The following C3orf20 variants were observed in gnomAD, a reference collection of about 807,000 sequenced individuals.
C3orf20 encodes the protein uncharacterized protein C3orf20.
Under a neutral mutation model 88.3 loss-of-function variants are expected in C3orf20, and 76 were observed. The ratio of observed to expected loss-of-function variants is 0.86; its 90% CI spans 0.72 to 1.04. The LOEUF (loss-of-function observed/expected upper bound fraction) is 1.04, where lower values mean the gene tolerates loss of function less well. Ranked by LOEUF, C3orf20 falls within the 50% of genes least tolerant of loss-of-function variation. The pLI is 0.00. For missense variants in C3orf20, 1,056 were observed against 1,123.3 expected (o/e 0.94, Z 0.86); for synonymous variants, 436 against 437.4 (o/e 1.00, Z 0.04).
chr3:14,744,259 G>C (rs2034996203), intron 12 of C3orf20, among the ~76,000 whole-genome samples: 1 of 151,912 alleles, frequency 6.6e-6, no homozygotes, highest in African/African-American at 2.4e-5. Context: ...AATCTCTAGG[G>C]CAGGGGCAAA....
chr3:14,761,351 G>T (rs139998957), intron 14 of C3orf20, 122 bp from the exon 15 acceptor site: 2 of 1,182,900 alleles, frequency 1.7e-6, no homozygotes, highest in Non-Finnish European at 2.4e-6. Flanking sequence ...CCTGCCTCAC[G>T]GCGTAAGCTC....
chr3:14,696,896 A>G (rs939394523), intron 5 of C3orf20, among the ~76,000 whole-genome samples: 2 of 151,966 alleles, frequency 1.3e-5, no homozygotes, highest in Non-Finnish European at 2.9e-5. Context: ...TTGTTTGTCT[A>G]GGAAAGTCTT....
intron 12 of C3orf20, among the ~76,000 whole-genome samples, chr3:14,730,997 A>G (rs576781655): frequency 2.0e-5 from 3 of 152,302 alleles, no homozygotes; most frequent in Non-Finnish European, 2.9e-5. Context: ...CCCACAGTGG[A>G]TGTCTGAAAC....
At chr3:14,688,314 G>A (rs1012815428) in intron 4 of C3orf20, among the ~76,000 whole-genome samples, 21 of 152,120 alleles carry the variant, frequency 1.4e-4, no homozygotes, top group African/African-American at 4.8e-4. Context: ...AGGATTGCTT[G>A]AGGCCAGGAG....
chr3:14,762,671 C>A (rs1427928658), intron 15 of C3orf20, among the ~76,000 whole-genome samples: 1 of 152,198 alleles, frequency 6.6e-6, no homozygotes, highest in African/African-American at 2.4e-5. Flanking sequence ...GCTTTGTGAA[C>A]TGTGAAGCAA....
At chr3:14,677,648 G>A (rs1214900511) in intron 1 of C3orf20, among the ~76,000 whole-genome samples, 6 of 151,920 alleles carry the variant, frequency 3.9e-5, no homozygotes, top group Admixed American at 2.0e-4. Flanking sequence ...TTACAGGTGC[G>A]CACCAGCACA....
intron 15 of C3orf20, among the ~76,000 whole-genome samples, chr3:14,767,878 C>T (rs2035759298): frequency 6.6e-6 from 1 of 152,234 alleles, no homozygotes; most frequent in Non-Finnish European, 1.5e-5. Context: ...AATGCACCTC[C>T]TACCCTTCAA....
At chr3:14,676,599 A>T (rs1406934054) in intron 1 of C3orf20, among the ~76,000 whole-genome samples, 2 of 152,142 alleles carry the variant, frequency 1.3e-5, no homozygotes, top group Admixed American at 1.3e-4. Flanking sequence ...ATCGATCTTT[A>T]TACAGATAAC....
chr3:14,726,433 G>A (rs983241281), intron 10 of C3orf20, among the ~76,000 whole-genome samples: 8 of 152,200 alleles, frequency 5.3e-5, no homozygotes, highest in African/African-American at 1.2e-4. Context: ...GAGGGAGGCC[G>A]GCAGAGAACG....
At chr3:14,697,805 A>G (rs1382351722) in intron 5 of C3orf20, among the ~76,000 whole-genome samples, 1 of 147,946 alleles carries the variant, frequency 6.8e-6, no homozygotes, top group Non-Finnish European at 1.5e-5. Flanking sequence ...GAGAACATGC[A>G]GTGTTTGGTT....
At chr3:14,720,332 G>T (rs2034109033) in intron 9 of C3orf20, among the ~76,000 whole-genome samples, 1 of 152,168 alleles carries the variant, frequency 6.6e-6, no homozygotes, top group South Asian at 2.1e-4. Flanking sequence ...GCCCGGCAGA[G>T]GGTTTCTTTT....
intron 7 of C3orf20, among the ~76,000 whole-genome samples, chr3:14,712,734 T>C (rs1364626662): frequency 6.6e-6 from 1 of 152,184 alleles, no homozygotes; most frequent in Admixed American, 6.5e-5. Flanking sequence ...TATAGTTAAC[T>C]TTACCAGTGT....
intron 1 of C3orf20, among the ~76,000 whole-genome samples, chr3:14,678,955 C>T (rs2031938070): frequency 6.6e-6 from 1 of 152,182 alleles, no homozygotes; most frequent in Non-Finnish European, 1.5e-5. Flanking sequence ...GGCCACTTTC[C>T]CAGTTTCATC....
chr3:14,769,998 C>T (rs1474803539), intron 15 of C3orf20, among the ~76,000 whole-genome samples: 1 of 152,164 alleles, frequency 6.6e-6, no homozygotes, highest in African/African-American at 2.4e-5. Flanking sequence ...TTCCCCTGCA[C>T]TCCTCAAGCA....
intron 10 of C3orf20, among the ~76,000 whole-genome samples, chr3:14,726,633 T>A (rs2034356826): frequency 6.6e-6 from 1 of 152,152 alleles, no homozygotes. Context: ...ATCTTCAAGC[T>A]GCATTGAGCA....
chr3:14,720,218 G>A (rs982621803), intron 9 of C3orf20, among the ~76,000 whole-genome samples: 6 of 152,138 alleles, frequency 3.9e-5, no homozygotes, highest in African/African-American at 1.4e-4. Context: ...ATTTAGTAGA[G>A]ACGGGGTTTC....
At chr3:14,722,958 G>A (rs796652482) in intron 10 of C3orf20, among the ~76,000 whole-genome samples, 27 of 152,286 alleles carry the variant, frequency 1.8e-4, no homozygotes, top group Admixed American at 9.2e-4. Flanking sequence ...AGCTCAGGTG[G>A]GTAGAGCAGA....
intron 1 of C3orf20, among the ~76,000 whole-genome samples, chr3:14,676,746 C>T (rs559436625): frequency 1.4e-3 from 207 of 152,260 alleles, no homozygotes; most frequent in African/African-American, 4.7e-3. Context: ...ACAGTAAGGG[C>T]CCTTTGATAC....
At chr3:14,689,040 T>C (rs2124902751) in intron 4 of C3orf20, among the ~76,000 whole-genome samples, 1 of 152,298 alleles carries the variant, frequency 6.6e-6, no homozygotes. Context: ...TTCTGTTGTA[T>C]TTAGTTAACT....
Sources: allele counts gnomAD v4.1 joint callset (sites outside exome capture counted in the v4.1 genomes callset), GRCh38; gene constraint gnomAD v4.1.1; transcripts MANE v1.5; gene names NCBI Gene and HGNC (gene_info 2026-07-23, HGNC 2026-07-21).